The following TM4SF19 variants were observed in gnomAD, a reference collection of about 807,000 sequenced individuals.
The protein encoded by TM4SF19 is transmembrane 4 L6 family member 19.
A neutral mutation model predicts 21.8 loss-of-function variants in TM4SF19; 17 were observed. The observed-to-expected ratio is 0.78, with a 90% CI of 0.53 to 1.17. The LOEUF is 1.17. TM4SF19 is among the 50% of genes most tolerant of loss of function. The probability of loss-of-function intolerance (pLI) is 0.00; values close to 1 mark genes in which losing one functional copy is unlikely to be tolerated. For missense variants in TM4SF19, 216 were observed against 252.1 expected (o/e 0.86, Z 0.97); for synonymous variants, 107 against 106.7 (o/e 1.00, Z -0.02).
rs1304883607 is a variant in TM4SF19 at position 196,325,946 on chromosome 3, G to C, written c.279+1009C>G. Among the ~76,000 whole-genome samples, 1 of 152,140 alleles carries C rather than the reference G, an allele frequency of 6.6e-6. No homozygotes were observed. The highest frequency in any genetic ancestry group is 1.5e-5 in the Non-Finnish European group (1 of 68,026). On this transcript the variant is annotated intron_variant, in intron 3 of 4. Coordinates refer to ENST00000273695, the MANE Select transcript of TM4SF19 (RefSeq NM_138461.4). The surrounding 1 kb of genome is among the most constrained non-coding windows in gnomAD (Gnocchi z 4.3). ...TGAGAACAGACAGTGAATGAAATGT[G>C]CAAGTGTTTATTTATTTATCTATGT...
At chr3:196,337,242 G>T (rs1727800816) in intron 1 of TM4SF19, among the ~76,000 whole-genome samples, 1 of 151,810 alleles carries the variant, frequency 6.6e-6, no homozygotes, top group Non-Finnish European at 1.5e-5. Flanking sequence ...ATTTTTAGTA[G>T]TGATGGGTTT....
intron 1 of TM4SF19, among the ~76,000 whole-genome samples, chr3:196,331,426 G>A (rs918111201): frequency 1.3e-5 from 2 of 151,420 alleles, no homozygotes; most frequent in Non-Finnish European, 2.9e-5. Flanking sequence ...TCAGTTACAC[G>A]TCTGTCTCCC....
chr3:196,324,326 A>G lies in TM4SF19; in HGVS notation c.394T>C (p.Phe132Leu), dbSNP rs1416681490. The G allele has an allele frequency of 6.2e-7, 1 of 1,614,190 alleles. No homozygotes were observed. Among genetic ancestry groups the G allele is most frequent in the Non-Finnish European group, 8.5e-7 (1 of 1,180,030 alleles). The stretch of plus-strand genomic sequence containing the variant: ...TATTTCCAAGCTTGTGTCTGATTGA[A>G]GGATGAAACATCAAACATGCAAAAA... Reference protein sequence around the residue: ...GPFCMFDVSSFNQTQAWKYGY... With the variant: ...GPFCMFDVSSLNQTQAWKYGY... The change falls in exon 4 of 5, where the codon TTC (phenylalanine) becomes CTC (leucine). Residue 132 changes from phenylalanine to leucine, a missense_variant. Coordinates refer to ENST00000273695, the MANE Select transcript of TM4SF19 (RefSeq NM_138461.4).
rs1386305114 is a variant in TM4SF19, at chr3:196,323,743, C to T, written c.*74G>A. The T allele has an allele frequency of 1.2e-6, 2 of 1,612,436 alleles. No individual in the cohort carries two copies. Among genetic ancestry groups the T allele is most frequent in the Non-Finnish European group, 1.7e-6 (2 of 1,179,212 alleles). ...AGGGGAAGTTTGTTTATAATTCGTA[C>T]CCACTCCTTGTAGAAAGGATTCAAG... On this transcript the variant is annotated 3_prime_UTR_variant, in exon 5 of 5. Coordinates refer to ENST00000273695, the MANE Select transcript of TM4SF19 (RefSeq NM_138461.4).
intron 1 of TM4SF19, 45 bp from the exon 2 acceptor site, chr3:196,327,636 G>A: frequency 2.0e-6 from 3 of 1,529,442 alleles, no homozygotes; most frequent in Non-Finnish European, 1.8e-6. Context: ...GCTGTGGGGG[G>A]ATGGGGAAGG....
intron 2 of TM4SF19, 109 bp downstream of exon 2, chr3:196,327,281 T>C (rs1397861238): frequency 9.0e-7 from 1 of 1,106,350 alleles, no homozygotes; most frequent in African/African-American, 1.6e-5. Context: ...GATCAGCTTG[T>C]TAGAATAAAC....
At chr3:196,324,102 T>A in intron 4 of TM4SF19, 105 bp from the exon 5 acceptor site, 1 of 1,462,146 alleles carries the variant, frequency 6.8e-7, no homozygotes, top group Non-Finnish European at 9.5e-7. Flanking sequence ...GTCATGGGAC[T>A]GGGCTCATGA....
chr3:196,333,266 C>A (rs557034357), intron 1 of TM4SF19, among the ~76,000 whole-genome samples: 1 of 152,278 alleles, frequency 6.6e-6, no homozygotes, highest in Admixed American at 6.5e-5. Context: ...AGAAACCTGT[C>A]GTAAAGTTGG....
At chr3:196,334,839 T>G (rs1365482776) in intron 1 of TM4SF19, among the ~76,000 whole-genome samples, 4 of 56,964 alleles carry the variant, frequency 7.0e-5, no homozygotes, top group African/African-American at 7.5e-5. Flanking sequence ...CCTGAGAAGG[T>G]GGGGGTTAGG....
intron 1 of TM4SF19, among the ~76,000 whole-genome samples, chr3:196,337,851 T>C (rs1218611824): frequency 3.9e-5 from 6 of 152,058 alleles, no homozygotes; most frequent in Non-Finnish European, 8.8e-5. Context: ...TTAAACCCAC[T>C]TCTGCCCCTC....
At chr3:196,330,631 T>C (rs1305126851) in intron 1 of TM4SF19, among the ~76,000 whole-genome samples, 1 of 152,198 alleles carries the variant, frequency 6.6e-6, no homozygotes, top group Non-Finnish European at 1.5e-5. Flanking sequence ...CATGTTTCTA[T>C]ATATACGAAA....
chr3:196,338,041 A>G (rs926976173), intron 1 of TM4SF19, among the ~76,000 whole-genome samples: 2 of 152,212 alleles, frequency 1.3e-5, no homozygotes, highest in East Asian at 1.9e-4. Flanking sequence ...AGGGCTGCCC[A>G]TGCCCAAACT....
chr3:196,331,284 A>ATAT (rs35020615), intron 1 of TM4SF19, among the ~76,000 whole-genome samples: 34 of 149,138 alleles, frequency 2.3e-4, no homozygotes, highest in African/African-American at 7.4e-4. Flanking sequence ...CTAAAAAAAA[A>ATAT]ATATATATAT....
chr3:196,331,735 C>T (rs776858461), intron 1 of TM4SF19, among the ~76,000 whole-genome samples: 6 of 151,484 alleles, frequency 4.0e-5, no homozygotes, highest in South Asian at 2.1e-4. Context: ...TGCAGTGAGC[C>T]GAGATTACGC....
At chr3:196,332,563 TA>T (rs1727561649) in intron 1 of TM4SF19, among the ~76,000 whole-genome samples, 1 of 151,456 alleles carries the variant, frequency 6.6e-6, no homozygotes, top group African/African-American at 2.4e-5. Context: ...CACACACACA[TA>T]TATATCATAT....
Position 196,324,367 on chromosome 3 carries a change from G to A in TM4SF19, c.353C>T (p.Ala118Val), listed in dbSNP as rs751747305. 3 of 1,614,182 alleles carry A rather than the reference G, an allele frequency of 1.9e-6. No individual in the cohort carries two copies. The highest frequency in any genetic ancestry group is 2.5e-6 in the Non-Finnish European group (3 of 1,180,042). Residue 118 changes from alanine to valine, a missense_variant, in exon 4 of 5, where the codon GCT becomes GTT. Physicochemically the swap from Ala to Val is moderately conservative, Grantham distance 64 (BLOSUM62 0). Coordinates refer to ENST00000273695, the MANE Select transcript of TM4SF19 (RefSeq NM_138461.4). ...ALICFVTSGV[A>V]LKDGPFCMFD... ...CATGCAAAAAGGACCATCTTTCAGAGCAACTCCAGAAGTGACAAAGCAAAT... is the reference window on the plus strand; with the variant it reads ...CATGCAAAAAGGACCATCTTTCAGAACAACTCCAGAAGTGACAAAGCAAAT...
chr3:196,335,438 G>C (rs1577414512), intron 1 of TM4SF19, among the ~76,000 whole-genome samples: 1 of 94,336 alleles, frequency 1.1e-5, no homozygotes, highest in Non-Finnish European at 2.2e-5. Flanking sequence ...GGAGGGTGTG[G>C]GTAGGAGAGG....
At chr3:196,337,216 G>A (rs777785370) in intron 1 of TM4SF19, among the ~76,000 whole-genome samples, 2 of 151,692 alleles carry the variant, frequency 1.3e-5, no homozygotes, top group Admixed American at 6.6e-5. Flanking sequence ...CATGCACCAC[G>A]CCCGGCTAAT....
intron 1 of TM4SF19, among the ~76,000 whole-genome samples, chr3:196,336,133 G>A (rs915943919): frequency 6.6e-6 from 1 of 151,572 alleles, no homozygotes; most frequent in East Asian, 1.9e-4. Flanking sequence ...TTTTGTTTTT[G>A]TTTTGTTTTT....
Sources: allele counts gnomAD v4.1 joint callset (sites outside exome capture counted in the v4.1 genomes callset), GRCh38; gene constraint gnomAD v4.1.1; non-coding constraint Gnocchi (gnomAD v3.1); transcripts MANE v1.5; gene names NCBI Gene and HGNC (gene_info 2026-07-23, HGNC 2026-07-21).